SLA: variants seen among roughly 807,000 people sequenced by gnomAD.
SLA encodes the protein Src like adaptor.
A neutral mutation model predicts 30.3 loss-of-function variants in SLA; 16 were observed. The ratio of observed to expected loss-of-function variants is 0.53; its 90% CI spans 0.36 to 0.80. The LOEUF (loss-of-function observed/expected upper bound fraction) is 0.80, where lower values mean the gene tolerates loss of function less well. SLA is among the 30% of genes least tolerant of loss of function. The pLI is 0.01. For synonymous variants in SLA, 143 were observed against 137.8 expected, an observed-to-expected ratio of 1.04 and a Z score of -0.26; for missense variants, 310 against 345.2, an observed-to-expected ratio of 0.90 and a Z score of 0.81.
chr8:133,050,187 A>T, intron 4 of SLA, 199 bp from the exon 5 acceptor site: 1 of 576,342 alleles, frequency 1.7e-6, no homozygotes, highest in Non-Finnish European at 3.1e-6. Flanking sequence ...ATAGCCCTCC[A>T]TTGCAAGCCA....
chr8:133,070,430 T>C (rs1843826596), intron 2 of SLA, among the ~76,000 whole-genome samples: 1 of 152,176 alleles, frequency 6.6e-6, no homozygotes, highest in African/African-American at 2.4e-5. Context: ...GCGGAGGGCC[T>C]AAAGGAGATG....
intron 2 of SLA, among the ~76,000 whole-genome samples, chr8:133,071,159 C>T (rs1843952999): frequency 6.6e-6 from 1 of 152,182 alleles, no homozygotes; most frequent in Non-Finnish European, 1.5e-5. Flanking sequence ...GGAGAGGGGG[C>T]ACCAGTGCGT....
chr8:133,096,467 T>C (rs747439457), intron 1 of SLA: 75 of 1,486,632 alleles, frequency 5.0e-5, no homozygotes, highest in Non-Finnish European at 6.9e-5. Flanking sequence ...TATTGACCAA[T>C]TGCTGAGTAA....
intron 4 of SLA, 94 bp from the exon 5 acceptor site, chr8:133,050,082 T>G (rs2702972): frequency 0.19 from 159,374 of 844,046 alleles, 21,071 homozygotes; most frequent in East Asian, 0.55. Context: ...CCCAGGACAG[T>G]TTGGAACATT....
intron 7 of SLA, among the ~76,000 whole-genome samples, chr8:133,042,709 T>TTTTTTTTG (rs1554706931): frequency 7.2e-6 from 1 of 138,594 alleles, no homozygotes; most frequent in African/African-American, 2.8e-5. Context: ...TTTTTTTTTT[T>TTTTTTTTG]GTGAGATGGA....
intron 1 of SLA, among the ~76,000 whole-genome samples, chr8:133,089,746 G>A (rs1050491407): frequency 3.3e-5 from 5 of 152,060 alleles, no homozygotes; most frequent in East Asian, 1.9e-4. Flanking sequence ...TGGGGCTGTC[G>A]GATTACTTAG....
chr8:133,045,640 C>T (rs1333725741), intron 6 of SLA, among the ~76,000 whole-genome samples: 1 of 152,052 alleles, frequency 6.6e-6, no homozygotes. Context: ...AGTGATCCGC[C>T]CACCTCGGCC....
intron 1 of SLA, among the ~76,000 whole-genome samples, chr8:133,082,558 G>A (rs1010038079): frequency 1.3e-5 from 2 of 152,232 alleles, no homozygotes; most frequent in South Asian, 2.1e-4. Context: ...TGGGCACCGG[G>A]AAAGTGGAAA....
At chr8:133,053,305 C>T (rs961773117) in intron 3 of SLA, among the ~76,000 whole-genome samples, 17 of 152,348 alleles carry the variant, frequency 1.1e-4, no homozygotes, top group East Asian at 3.9e-4. Flanking sequence ...TCCCCACCCC[C>T]GGCTGTGAGT....
At chr8:133,049,294 A>C (rs760230278) in intron 5 of SLA, 32 of 395,996 alleles carry the variant, frequency 8.1e-5, no homozygotes, top group Non-Finnish European at 1.0e-4. Context: ...CATTTTTGGC[A>C]GTAAGGATTC....
Position 133,045,130 on chromosome 8 carries a change from G to A in SLA, c.353-15C>T. On this transcript the variant is annotated splice_polypyrimidine_tract_variant and intron_variant, in intron 6 of 8. Coordinates refer to ENST00000338087, the MANE Select transcript of SLA (RefSeq NM_001045556.3). ...TGAGTAAAACCCTGCAGGAGGTGGAGGATAAGTCAGTGGGCTCCACCTGTC... is the reference window on the plus strand; with the variant it reads ...TGAGTAAAACCCTGCAGGAGGTGGAAGATAAGTCAGTGGGCTCCACCTGTC... 3 of 1,613,814 alleles carry A rather than the reference G, an allele frequency of 1.9e-6. No individual in the cohort carries two copies. Among genetic ancestry groups the A allele is most frequent in the South Asian group, 2.2e-5 (2 of 91,042 alleles).
Position 133,038,697 on chromosome 8 carries a change from C to A in SLA, c.658G>T (p.Val220Leu). 1 of 1,614,090 alleles carries A rather than the reference C, an allele frequency of 6.2e-7. No individual in the cohort carries two copies. The highest frequency in any genetic ancestry group is 1.1e-5 in the South Asian group (1 of 91,072). ...CCATAGCTGAAAAGGGACTCGTCTA[C>A]CCCAAGCGGGTTCTCTGTTCCCTCG... The part of the protein sequence containing the change: ...DPEGTENPLG[V>L]DESLFSYGLR... The change falls in exon 9 of 9, where the codon GTA becomes TTA. Residue 220 changes from valine (V) to leucine (L), a missense_variant. Physicochemically the swap from Val to Leu is conservative, Grantham distance 32 (BLOSUM62 1). Transcript: ENST00000338087.
intron 2 of SLA, among the ~76,000 whole-genome samples, chr8:133,070,931 A>C (rs191498811): frequency 7.9e-5 from 12 of 152,246 alleles, no homozygotes; most frequent in Non-Finnish European, 1.3e-4. Context: ...AATTTATCTC[A>C]ATTGTTTCCC....
chr8:133,065,002 C>A (rs573823547), intron 2 of SLA, among the ~76,000 whole-genome samples: 2 of 152,344 alleles, frequency 1.3e-5, no homozygotes, highest in South Asian at 4.1e-4. Flanking sequence ...AATTTGAAAA[C>A]ATACTTAGGG....
At chr8:133,084,112 G>C (rs1400031146) in intron 1 of SLA, among the ~76,000 whole-genome samples, 1 of 152,146 alleles carries the variant, frequency 6.6e-6, no homozygotes, top group Admixed American at 6.5e-5. Flanking sequence ...AGTCCTTTCT[G>C]CTGGTCAAGA....
In SLA at chr8:133,050,915, C is replaced by G. The variant is rs772693601; in HGVS notation, c.62G>C (p.Gly21Ala). 8.1e-6 allele frequency: 13 copies of G among 1,606,886 alleles called. No homozygotes were observed. The highest frequency in any genetic ancestry group is 1.1e-5 in the Non-Finnish European group (13 of 1,173,582). ...CACGGCAAGGAAGTCGCTATCCAGT[C>G]CTGGGGAAACAAAGGCAAGGGGGAA... ...PAERPLPNPEGLDSDFLAVLS... is the reference protein window; with the variant it reads ...PAERPLPNPEALDSDFLAVLS... Residue 21 changes from glycine (G) to alanine (A), a missense_variant and splice_region_variant, in exon 4 of 9, where the codon GGA (glycine) becomes GCA (alanine). Gly to Ala is a moderately conservative substitution (Grantham distance 60, BLOSUM62 0). Transcript: ENST00000338087.
At chr8:133,046,090 C>A (rs945865241) in intron 6 of SLA, among the ~76,000 whole-genome samples, 1 of 152,096 alleles carries the variant, frequency 6.6e-6, no homozygotes, top group Non-Finnish European at 1.5e-5. Flanking sequence ...AGAGTAGAAC[C>A]GCAGCCATGT....
chr8:133,093,329 C>G (rs1019767507), intron 1 of SLA, among the ~76,000 whole-genome samples: 1 of 152,016 alleles, frequency 6.6e-6, no homozygotes, highest in Non-Finnish European at 1.5e-5. Context: ...TGCTGCTTAT[C>G]AGAGGATCCT....
chr8:133,039,810 C>G (rs537765807), intron 8 of SLA, among the ~76,000 whole-genome samples, 188 bp downstream of exon 8: 1 of 152,268 alleles, frequency 6.6e-6, no homozygotes, highest in African/African-American at 2.4e-5. Context: ...GAAGCTGCCC[C>G]TGCACCCAGG....
Sources: allele counts gnomAD v4.1 joint callset (sites outside exome capture counted in the v4.1 genomes callset), GRCh38; gene constraint gnomAD v4.1.1; transcripts MANE v1.5; gene names NCBI Gene and HGNC (gene_info 2026-07-23, HGNC 2026-07-21).